TSHZ1: variants seen among roughly 807,000 people sequenced by gnomAD.
The protein encoded by TSHZ1 is teashirt homolog 1.
In TSHZ1, 12 loss-of-function variants were observed where a neutral mutation model predicts 67.1. The observed-to-expected ratio is 0.18, with a 90% CI of 0.11 to 0.29. The LOEUF is 0.29. TSHZ1 is among the 10% of genes least tolerant of loss of function. The pLI, the probability that TSHZ1 is intolerant of heterozygous loss-of-function variation, is 1.00. For synonymous variants in TSHZ1, 632 were observed against 622.4 expected, an observed-to-expected ratio of 1.02 and a Z score of -0.23; for missense variants, 1,305 against 1,413.9, an observed-to-expected ratio of 0.92 and a Z score of 1.23.
chr18:75,249,901 A>G (rs920858364), intron 1 of TSHZ1, among the ~76,000 whole-genome samples: 2 of 147,168 alleles, frequency 1.4e-5, no homozygotes, highest in African/African-American at 2.5e-5. Flanking sequence ...TGGGAGGTGC[A>G]TGACCTCCCC....
intron 1 of TSHZ1, among the ~76,000 whole-genome samples, chr18:75,234,629 G>A (rs2023043856): frequency 6.6e-6 from 1 of 151,816 alleles, no homozygotes; most frequent in Non-Finnish European, 1.5e-5. Flanking sequence ...TTTTGTATAT[G>A]AGATGGTCTT....
At chr18:75,244,925 T>G (rs1477901826) in intron 1 of TSHZ1, among the ~76,000 whole-genome samples, 1 of 152,130 alleles carries the variant, frequency 6.6e-6, no homozygotes, top group African/African-American at 2.4e-5. Context: ...TGTGAACGTT[T>G]GTCTCTTCTC....
chr18:75,237,440 T>A lies in TSHZ1; in HGVS notation c.40+25524T>A, dbSNP rs573353370. ...AGGAGGCTGAGGTGGGAGGATCACT[T>A]GAGCCCATAAAGTTGAGGCTGCAGT... On this transcript the variant is annotated intron_variant, in intron 1 of 1. Transcript: ENST00000580243. Among the ~76,000 whole-genome samples the A allele has an allele frequency of 3.3e-5, 5 of 152,152 alleles. 1 individual carries two copies. Among genetic ancestry groups the A allele is most frequent in the African/African-American group, 9.7e-5 (4 of 41,420 alleles).
rs745717773 is a variant in TSHZ1 at position 75,287,446 on chromosome 18, T to C, written c.2039T>C (p.Phe680Ser). The stretch of plus-strand genomic sequence containing the variant: ...CCCATAGCAAAAGAGAATAAAGATT[T>C]CCCGAAAACGGAGGAAGTCAGCGGC... ...ASPIAKENKDFPKTEEVSGKP... is the reference protein window; with the variant it reads ...ASPIAKENKDSPKTEEVSGKP... Residue 680 changes from phenylalanine (F) to serine (S), a missense_variant, in exon 2 of 2, where the codon TTC (phenylalanine) becomes TCC (serine). Coordinates refer to ENST00000580243, the MANE Select transcript of TSHZ1 (RefSeq NM_001308210.2). This position sits in a 1 kb window ranked among gnomAD's most constrained non-coding sequence, Gnocchi z 5.0. The C allele has an allele frequency of 6.2e-6, 10 of 1,613,970 alleles. No individual in the cohort carries two copies. In the Admixed American group the frequency reaches 1.7e-4, roughly 27 times the overall value.
chr18:75,238,959 G>T lies in TSHZ1; in HGVS notation c.40+27043G>T, dbSNP rs1021013722. Among the ~76,000 whole-genome samples, 5 of 152,338 alleles carry T rather than the reference G, an allele frequency of 3.3e-5. No homozygotes were observed. The East Asian group carries it at 9.6e-4, about 29-fold the overall frequency. ...GATGGCTGGGTCCAGGAAATACCTGGCCTCACGCACTGTCCAGCTTCCCCT... is the reference window on the plus strand; with the variant it reads ...GATGGCTGGGTCCAGGAAATACCTGTCCTCACGCACTGTCCAGCTTCCCCT... On this transcript the variant is annotated intron_variant, in intron 1 of 1. Coordinates refer to ENST00000580243, the MANE Select transcript of TSHZ1 (RefSeq NM_001308210.2).
At chr18:75,274,833 C>T (rs915663371) in intron 1 of TSHZ1, among the ~76,000 whole-genome samples, 1 of 152,114 alleles carries the variant, frequency 6.6e-6, no homozygotes, top group African/African-American at 2.4e-5. Flanking sequence ...TATTTTCTGT[C>T]ATGATAGTGT....
chr18:75,269,963 G>A (rs2023538205), intron 1 of TSHZ1, among the ~76,000 whole-genome samples: 1 of 152,206 alleles, frequency 6.6e-6, no homozygotes, highest in African/African-American at 2.4e-5. Flanking sequence ...GCCTGTCATA[G>A]CGGATACATG....
chr18:75,277,578 G>A (rs574002977), intron 1 of TSHZ1, among the ~76,000 whole-genome samples: 1 of 152,256 alleles, frequency 6.6e-6, no homozygotes, highest in Non-Finnish European at 1.5e-5. Flanking sequence ...CCTCCTGTGT[G>A]TACGTAGATG....
At chr18:75,233,313 A>G (rs17056699) in intron 1 of TSHZ1, among the ~76,000 whole-genome samples, 35,884 of 152,164 alleles carry the variant, frequency 0.24, 4,259 homozygotes, top group East Asian at 0.33. Flanking sequence ...TTTTGGGGGA[A>G]TTTGGAATTA....
intron 1 of TSHZ1, among the ~76,000 whole-genome samples, chr18:75,259,366 A>G (rs2023402376): frequency 6.6e-6 from 1 of 152,144 alleles, no homozygotes; most frequent in Admixed American, 6.5e-5. Flanking sequence ...CAAAAATATT[A>G]AACAGAAAAT....
At position 75,282,568 on chromosome 18, in the gene TSHZ1, G is replaced by A. The variant is rs115418962; in HGVS notation, c.41-2880G>A. On this transcript the variant is annotated intron_variant, in intron 1 of 1. Coordinates refer to ENST00000580243, the MANE Select transcript of TSHZ1 (RefSeq NM_001308210.2). ...CATTAAATGCGGTCACAGGGCCGTC[G>A]TCCAACAGAGGTGGCCTTAAAAGAA... 5.1e-3 allele frequency among the ~76,000 whole-genome samples: 771 copies of A among 152,264 alleles called. 5 individuals carry two copies. Among genetic ancestry groups the A allele is most frequent in the African/African-American group, 0.016 (645 of 41,534 alleles).
intron 1 of TSHZ1, among the ~76,000 whole-genome samples, chr18:75,280,443 G>C (rs2023670821): frequency 6.6e-6 from 1 of 152,314 alleles, no homozygotes; most frequent in Admixed American, 6.5e-5. Flanking sequence ...TTAATACAGA[G>C]TTACTTTTGG....
Position 75,287,372 on chromosome 18 carries a change from G to A in TSHZ1, c.1965G>A (p.Glu655=). The A allele has an allele frequency of 6.2e-7, 1 of 1,614,100 alleles. No individual in the cohort carries two copies. Among genetic ancestry groups the A allele is most frequent in the African/African-American group, 1.3e-5 (1 of 75,056 alleles). ...CGGGCAAGGTCAACATCAAGAAGGA[G>A]GAGAGACCCCCTGAGAAGGAGAAGA... The part of the protein sequence containing the change: ...KVTGKVNIKK[E]ERPPEKEKSS... The change falls in exon 2 of 2, where the codon GAG becomes GAA. Residue 655 remains glutamate, a synonymous_variant. Coordinates refer to ENST00000580243, the MANE Select transcript of TSHZ1 (RefSeq NM_001308210.2). The surrounding 1 kb of genome is among the most constrained non-coding windows in gnomAD (Gnocchi z 5.0).
intron 1 of TSHZ1, among the ~76,000 whole-genome samples, chr18:75,256,573 C>G (rs1336422303): frequency 1.3e-5 from 2 of 152,204 alleles, no homozygotes; most frequent in Non-Finnish European, 2.9e-5. Context: ...TGTTAGTGAT[C>G]ATAGTGAAAG....
At chr18:75,274,680 AGTT>A (rs1301477941) in intron 1 of TSHZ1, among the ~76,000 whole-genome samples, 1 of 152,202 alleles carries the variant, frequency 6.6e-6, no homozygotes, top group Non-Finnish European at 1.5e-5. Context: ...TAAACTTGTA[AGTT>A]GTTATGTCTC....
intron 1 of TSHZ1, among the ~76,000 whole-genome samples, chr18:75,272,831 C>T (rs746149713): frequency 2.2e-4 from 33 of 152,156 alleles, no homozygotes; most frequent in Non-Finnish European, 3.7e-4. Context: ...CTACCTTTCT[C>T]CTATGTAGAC....
intron 1 of TSHZ1, among the ~76,000 whole-genome samples, chr18:75,269,815 G>T (rs1437176185): frequency 6.6e-6 from 1 of 151,888 alleles, no homozygotes; most frequent in Non-Finnish European, 1.5e-5. Context: ...CTCGTTCCCA[G>T]CCCCCCTGGC....
At chr18:75,228,770 C>T (rs1013694200) in intron 1 of TSHZ1, among the ~76,000 whole-genome samples, 2 of 152,176 alleles carry the variant, frequency 1.3e-5, no homozygotes, top group African/African-American at 4.8e-5. Context: ...GGTTGGTCCT[C>T]ACATCTCTAG....
At chr18:75,224,643 T>A (rs563784243) in intron 1 of TSHZ1, among the ~76,000 whole-genome samples, 1 of 152,350 alleles carries the variant, frequency 6.6e-6, no homozygotes, top group East Asian at 1.9e-4. Flanking sequence ...CTTTATCGGC[T>A]ATTTTAAACA....
Sources: allele counts gnomAD v4.1 joint callset (sites outside exome capture counted in the v4.1 genomes callset), GRCh38; gene constraint gnomAD v4.1.1; non-coding constraint Gnocchi (gnomAD v3.1); transcripts MANE v1.5; gene names NCBI Gene and HGNC (gene_info 2026-07-23, HGNC 2026-07-21).